Variants in DLG2 observed in about 807,000 individuals in gnomAD.
The protein encoded by DLG2 is disks large homolog 2.
DLG2 carries 45 observed loss-of-function variants against 132.5 expected under a neutral mutation model. That is an observed-to-expected ratio of 0.34 (90% CI 0.27 to 0.44). The LOEUF is 0.44. DLG2 is among the 20% of genes least tolerant of loss of function. The pLI is 1.00. For synonymous variants in DLG2, 424 were observed against 419.6 expected (o/e 1.01, Z -0.13); for missense variants, 1,045 against 1,196.9 (o/e 0.87, Z 1.87).
At chr11:85,172,219 G>A (rs2078926923) in intron 4 of DLG2, among the ~76,000 whole-genome samples, 1 of 152,200 alleles carries the variant, frequency 6.6e-6, no homozygotes, top group South Asian at 2.1e-4. Flanking sequence ...GCATCAGGTT[G>A]GTGACCCCCT....
chr11:85,345,605 G>C (rs2082778890), intron 3 of DLG2, among the ~76,000 whole-genome samples: 1 of 152,022 alleles, frequency 6.6e-6, no homozygotes, highest in African/African-American at 2.4e-5. Context: ...TCCTTTCACT[G>C]GGCCATGCTG....
chr11:85,226,101 C>T (rs1317423719), intron 4 of DLG2, among the ~76,000 whole-genome samples: 1 of 151,710 alleles, frequency 6.6e-6, no homozygotes, highest in African/African-American at 2.4e-5. Flanking sequence ...AATCATTGCT[C>T]TGCATATCCA....
At chr11:84,694,496 G>A (rs2058403215) in intron 6 of DLG2, among the ~76,000 whole-genome samples, 1 of 151,210 alleles carries the variant, frequency 6.6e-6, no homozygotes, top group Admixed American at 6.6e-5. Context: ...TTCTGATGTA[G>A]GTATTTTTTT....
At position 85,531,401 on chromosome 11, in the gene DLG2, C is replaced by T. The variant is rs571807914; in HGVS notation, c.40+67256G>A. 3.3e-5 allele frequency among the ~76,000 whole-genome samples: 5 copies of T among 152,280 alleles called. No individual in the cohort carries two copies. In the South Asian group the frequency reaches 8.3e-4, roughly 25 times the overall value. On this transcript the variant is annotated intron_variant, in intron 3 of 27. Coordinates refer to ENST00000376104, the MANE Select transcript of DLG2 (RefSeq NM_001142699.3). ...TTTCTACAACCTCAGATGCTCAAGC[C>T]AGTATTTAACTCAATTCAATACACA...
intron 9 of DLG2, among the ~76,000 whole-genome samples, chr11:84,161,649 G>A (rs540568410): frequency 1.9e-4 from 29 of 152,170 alleles, no homozygotes; most frequent in African/African-American, 7.0e-4. Flanking sequence ...CAATACCAGG[G>A]CAACTAAATA....
chr11:84,723,985 A>C (rs1284291779), intron 6 of DLG2, among the ~76,000 whole-genome samples: 2 of 152,172 alleles, frequency 1.3e-5, no homozygotes, highest in Non-Finnish European at 2.9e-5. Flanking sequence ...GTTATACTTA[A>C]TCAGAAACTG....
chr11:85,055,596 C>T lies in DLG2; in HGVS notation c.357+56065G>A, dbSNP rs2063371627. ...TTCAGGGTTGAAAAGGACTCTATGA[C>T]TTGATAATTCAAGATTTTGCAGTGA... On this transcript the variant is annotated intron_variant, in intron 6 of 27. Coordinates refer to ENST00000376104, the MANE Select transcript of DLG2 (RefSeq NM_001142699.3). 2.6e-5 allele frequency among the ~76,000 whole-genome samples: 4 copies of T among 152,104 alleles called. No individual in the cohort carries two copies. The South Asian group carries it at 8.3e-4, about 31-fold the overall frequency.
chr11:84,953,834 A>G lies in DLG2; in HGVS notation c.357+157827T>C, dbSNP rs544086737. Among the ~76,000 whole-genome samples the G allele has an allele frequency of 3.9e-5, 6 of 152,072 alleles. No homozygotes were observed. In the East Asian group the frequency reaches 1.2e-3, roughly 29 times the overall value. On this transcript the variant is annotated intron_variant, in intron 6 of 27. Transcript: ENST00000376104. ...TCCCCTTGTTATCCAATACAGCCTT[A>G]TTTCTCACCACCGCCCTTCTTCAAT...
intron 5 of DLG2, among the ~76,000 whole-genome samples, chr11:85,124,834 A>ATT (rs35849932): frequency 0.14 from 21,419 of 148,316 alleles, 1,960 homozygotes; most frequent in Non-Finnish European, 0.21. Flanking sequence ...GCACAGTAAA[A>ATT]TTTTTTTTTT....
intron 7 of DLG2, among the ~76,000 whole-genome samples, chr11:84,400,258 C>A (rs1039022365): frequency 8.5e-5 from 13 of 152,150 alleles, no homozygotes; most frequent in African/African-American, 3.1e-4. Context: ...TATTAACTAT[C>A]CCTTGATATA....
At chr11:84,587,330 C>T (rs2099532149) in intron 6 of DLG2, among the ~76,000 whole-genome samples, 1 of 152,124 alleles carries the variant, frequency 6.6e-6, no homozygotes, top group African/African-American at 2.4e-5. Flanking sequence ...GGGAGAACTT[C>T]TGATGAAAAG....
intron 6 of DLG2, among the ~76,000 whole-genome samples, chr11:84,626,290 C>A (rs1265657159): frequency 6.6e-6 from 1 of 152,126 alleles, no homozygotes; most frequent in African/African-American, 2.4e-5. Context: ...GTACCCCTGG[C>A]AACAAGGTCC....
At chr11:84,311,920 G>T (rs934588202) in intron 7 of DLG2, among the ~76,000 whole-genome samples, 1 of 152,058 alleles carries the variant, frequency 6.6e-6, no homozygotes, top group Admixed American at 6.6e-5. Context: ...TAACAAACAC[G>T]TACAACATTT....
At chr11:85,445,661 C>T (rs79897251) in intron 3 of DLG2, among the ~76,000 whole-genome samples, 6,144 of 152,134 alleles carry the variant, frequency 0.04, 394 homozygotes, top group African/African-American at 0.14. Flanking sequence ...GCCTGGGCAA[C>T]GAGAGTGAAA....
intron 7 of DLG2, among the ~76,000 whole-genome samples, chr11:84,524,958 G>C (rs1025598113): frequency 6.6e-6 from 1 of 151,198 alleles, no homozygotes; most frequent in Admixed American, 6.6e-5. Flanking sequence ...GTATTTAAAA[G>C]ACATGACTCC....
intron 18 of DLG2, among the ~76,000 whole-genome samples, chr11:83,688,185 G>T (rs942757675): frequency 6.6e-6 from 1 of 152,054 alleles, no homozygotes. Context: ...CCCACGCAAC[G>T]AATTTGTTTG....
intron 3 of DLG2, among the ~76,000 whole-genome samples, chr11:85,342,865 T>G (rs889987185): frequency 6.6e-6 from 1 of 152,224 alleles, no homozygotes; most frequent in Non-Finnish European, 1.5e-5. Context: ...AATATGTGTA[T>G]GTAAGGTGTG....
chr11:84,778,311 A>G (rs1221649844), intron 6 of DLG2, among the ~76,000 whole-genome samples: 3 of 152,042 alleles, frequency 2.0e-5, no homozygotes, highest in Non-Finnish European at 2.9e-5. Context: ...CTATTGATCC[A>G]TGTGTCTTTT....
intron 21 of DLG2, among the ~76,000 whole-genome samples, chr11:83,526,858 T>G (rs1051528153): frequency 6.6e-6 from 1 of 152,176 alleles, no homozygotes; most frequent in African/African-American, 2.4e-5. Context: ...TCTCCTTTTC[T>G]GCACTGAAAA....
Sources: allele counts gnomAD v4.1 joint callset (sites outside exome capture counted in the v4.1 genomes callset), GRCh38; gene constraint gnomAD v4.1.1; transcripts MANE v1.5; gene names NCBI Gene and HGNC (gene_info 2026-07-23, HGNC 2026-07-21).